The following CCSER1 variants were observed in gnomAD, a reference collection of about 807,000 sequenced individuals.
CCSER1 encodes the protein serine-rich coiled-coil domain-containing protein 1.
A neutral mutation model predicts 82.0 loss-of-function variants in CCSER1; 41 were observed. The observed-to-expected ratio is 0.50, with a 90% CI of 0.39 to 0.65. The LOEUF is 0.65. Among genes scored for constraint, CCSER1 ranks in the 30% least tolerant of loss-of-function variants. The pLI is 0.00. For missense variants in CCSER1, 1,119 were observed against 1,064.2 expected, an observed-to-expected ratio of 1.05 and a Z score of -0.72; for synonymous variants, 414 against 383.9, an observed-to-expected ratio of 1.08 and a Z score of -0.92.
chr4:90,266,483 A>G (rs550931658), intron 1 of CCSER1, among the ~76,000 whole-genome samples: 1 of 152,240 alleles, frequency 6.6e-6, no homozygotes, highest in Non-Finnish European at 1.5e-5. Flanking sequence ...GTCTACACAA[A>G]AAAGCACCTA....
intron 10 of CCSER1, among the ~76,000 whole-genome samples, chr4:91,404,774 T>C (rs1480913436): frequency 1.3e-5 from 2 of 152,190 alleles, no homozygotes; most frequent in Admixed American, 1.3e-4. Flanking sequence ...TTGTTATAAT[T>C]TCTGTTCTTT....
At chr4:91,568,028 C>T (rs987792893) in intron 10 of CCSER1, among the ~76,000 whole-genome samples, 2 of 151,798 alleles carry the variant, frequency 1.3e-5, no homozygotes, top group African/African-American at 4.8e-5. Context: ...ATTTAGTTCT[C>T]CTTTCAAGTC....
At chr4:90,335,697 TC>T (rs1233414057) in intron 3 of CCSER1, among the ~76,000 whole-genome samples, 7 of 152,318 alleles carry the variant, frequency 4.6e-5, no homozygotes. Context: ...TAGTCATATT[TC>T]CCCCATGAAA....
intron 9 of CCSER1, among the ~76,000 whole-genome samples, chr4:91,048,041 C>A (rs1742665637): frequency 6.6e-6 from 1 of 151,918 alleles, no homozygotes; most frequent in Non-Finnish European, 1.5e-5. Context: ...AGTAAAAATT[C>A]TATTATTCAC....
intron 10 of CCSER1, among the ~76,000 whole-genome samples, chr4:91,535,470 T>C (rs1299946175): frequency 7.8e-6 from 1 of 128,866 alleles, no homozygotes; most frequent in African/African-American, 3.2e-5. Context: ...AAATGAAAAA[T>C]AAAAAACAAC....
chr4:90,851,445 C>T (rs1420323101), intron 8 of CCSER1, among the ~76,000 whole-genome samples: 1 of 143,884 alleles, frequency 7.0e-6, no homozygotes, highest in Non-Finnish European at 1.5e-5. Context: ...ACAGAGGCTG[C>T]CTGAAGTACA....
At position 90,222,352 on chromosome 4, in the gene CCSER1, A is replaced by G. The variant is rs968354883; in HGVS notation, c.-41-85892A>G. On this transcript the variant is annotated intron_variant, in intron 1 of 10. Coordinates refer to ENST00000509176, the MANE Select transcript of CCSER1 (RefSeq NM_001145065.2). ...ATTTTCCTTCCTTCTCTTTCACTTC[A>G]CTATTCATGCCACCACATTGAAACA... Among the ~76,000 whole-genome samples, 13 of 152,088 alleles carry G rather than the reference A, an allele frequency of 8.5e-5. No individual in the cohort carries two copies. In the East Asian group the frequency reaches 2.3e-3, roughly 27 times the overall value.
chr4:91,080,537 G>T (rs1041871548), intron 9 of CCSER1, among the ~76,000 whole-genome samples: 2 of 152,112 alleles, frequency 1.3e-5, no homozygotes, highest in Admixed American at 6.6e-5. Context: ...ACATTCAAAA[G>T]CTAGCAGAAG....
intron 6 of CCSER1, among the ~76,000 whole-genome samples, chr4:90,710,397 C>A (rs1341805784): frequency 2.0e-5 from 3 of 152,064 alleles, no homozygotes; most frequent in African/African-American, 7.2e-5. Context: ...ATCATGAAAT[C>A]TTTGCTCATG....
chr4:91,033,331 AT>A, intron 9 of CCSER1, among the ~76,000 whole-genome samples: 1 of 152,234 alleles, frequency 6.6e-6, no homozygotes, highest in East Asian at 1.9e-4. Context: ...AGGAGCTGGA[AT>A]TTTCTTAGAG....
At chr4:90,496,664 A>T (rs1578806173) in intron 5 of CCSER1, among the ~76,000 whole-genome samples, 1 of 152,168 alleles carries the variant, frequency 6.6e-6, no homozygotes, top group Admixed American at 6.6e-5. Context: ...ATTGAAGGTA[A>T]CTAAAGAAAC....
At chr4:91,253,338 A>G (rs1369832351) in intron 10 of CCSER1, among the ~76,000 whole-genome samples, 1 of 152,158 alleles carries the variant, frequency 6.6e-6, no homozygotes, top group East Asian at 1.9e-4. Context: ...TGTGTTAATC[A>G]ATTGTCTGTG....
intron 10 of CCSER1, among the ~76,000 whole-genome samples, chr4:91,224,828 A>T (rs1235124455): frequency 6.6e-6 from 1 of 151,872 alleles, no homozygotes. Flanking sequence ...CCATGAATAA[A>T]TTCCTTGTGA....
intron 10 of CCSER1, among the ~76,000 whole-genome samples, chr4:91,441,671 A>G (rs1222549377): frequency 2.6e-5 from 4 of 152,192 alleles, no homozygotes; most frequent in Non-Finnish European, 5.9e-5. Flanking sequence ...GGAAAAGAGG[A>G]AGTCAAATTG....
chr4:90,406,780 A>G (rs1753803679), intron 4 of CCSER1, among the ~76,000 whole-genome samples: 1 of 152,210 alleles, frequency 6.6e-6, no homozygotes, highest in Non-Finnish European at 1.5e-5. Context: ...TAATATCAAG[A>G]TGGAACTTAA....
chr4:90,961,376 A>T (rs977704438), intron 9 of CCSER1, among the ~76,000 whole-genome samples: 2 of 152,162 alleles, frequency 1.3e-5, no homozygotes, highest in Non-Finnish European at 2.9e-5. Context: ...AGGACCAAAA[A>T]TGGTCAACCA....
intron 10 of CCSER1, among the ~76,000 whole-genome samples, chr4:91,243,632 A>G (rs1216055580): frequency 6.6e-6 from 1 of 152,292 alleles, no homozygotes; most frequent in African/African-American, 2.4e-5. Context: ...TCCAAACCCT[A>G]GCTCCCAGAT....
At chr4:90,478,097 T>G (rs528111255) in intron 5 of CCSER1, among the ~76,000 whole-genome samples, 1 of 152,312 alleles carries the variant, frequency 6.6e-6, no homozygotes, top group South Asian at 2.1e-4. Flanking sequence ...AGTGAAATTC[T>G]AATGAGCAAA....
At chr4:90,882,135 A>G (rs528246662) in intron 8 of CCSER1, among the ~76,000 whole-genome samples, 96 of 152,220 alleles carry the variant, frequency 6.3e-4, no homozygotes, top group African/African-American at 2.1e-3. Context: ...GTTATATAAT[A>G]TCAGCTAGTC....
Sources: gnomAD v4.1 joint callset for allele counts (sites outside exome capture counted in the v4.1 genomes callset) on GRCh38, gnomAD v4.1.1 for gene constraint, MANE v1.5 for transcripts, NCBI Gene and HGNC (gene_info 2026-07-23, HGNC 2026-07-21) for gene names.